The following SEMA3A variants were observed in gnomAD, a reference collection of about 807,000 sequenced individuals.
SEMA3A encodes semaphorin-3A.
SEMA3A carries 29 observed loss-of-function variants against 97.9 expected under a neutral mutation model. The observed-to-expected ratio is 0.30, with a 90% CI of 0.22 to 0.40. SEMA3A has a LOEUF of 0.40. SEMA3A is among the 10% of genes least tolerant of loss of function. The pLI, the probability that SEMA3A is intolerant of heterozygous loss-of-function variation, is 1.00. For missense variants in SEMA3A, 763 were observed against 951.3 expected (o/e 0.80, Z 2.60); for synonymous variants, 321 against 323.7 (o/e 0.99, Z 0.09).
chr7:84,206,611 C>T (rs564360113), intron 3 of SEMA3A, among the ~76,000 whole-genome samples: 3 of 151,670 alleles, frequency 2.0e-5, no homozygotes, highest in South Asian at 2.1e-4. Context: ...CGTGAGCCAC[C>T]GCGTCCGGCC....
At chr7:84,485,955 A>T (rs539600579) in intron 1 of SEMA3A, among the ~76,000 whole-genome samples, 1 of 152,286 alleles carries the variant, frequency 6.6e-6, no homozygotes, top group South Asian at 2.1e-4. Context: ...AATTTTTGAT[A>T]AGTGTTTTCT....
At chr7:84,028,301 C>A (rs1477376190) in intron 6 of SEMA3A, among the ~76,000 whole-genome samples, 2 of 152,010 alleles carry the variant, frequency 1.3e-5, no homozygotes, top group Non-Finnish European at 2.9e-5. Context: ...TTTTAACATT[C>A]AGGAAAGGTG....
chr7:84,062,668 T>C (rs530477196), intron 4 of SEMA3A, among the ~76,000 whole-genome samples: 2 of 152,314 alleles, frequency 1.3e-5, no homozygotes, highest in African/African-American at 4.8e-5. Context: ...AGACGGCACC[T>C]GGAAAATCCG....
At chr7:84,077,089 G>A (rs1793979711) in intron 4 of SEMA3A, among the ~76,000 whole-genome samples, 1 of 152,060 alleles carries the variant, frequency 6.6e-6, no homozygotes, top group South Asian at 2.1e-4. Context: ...CAATGAAAGG[G>A]AAAATTCTAT....
chr7:84,268,173 G>T (rs1435437369), intron 3 of SEMA3A, among the ~76,000 whole-genome samples: 1 of 151,622 alleles, frequency 6.6e-6, no homozygotes, highest in Non-Finnish European at 1.5e-5. Context: ...TTTTCCTTAC[G>T]GCCATGGTGA....
In SEMA3A at chr7:84,292,190, T is replaced by C. The variant is rs576897370; in HGVS notation, c.-83+15017A>G. On this transcript the variant is annotated intron_variant, in intron 3 of 3. Transcript: ENST00000424555. ...TTTTCAAATCTTTACAAAAGAAAAC[T>C]CCTCTTGCCATTCTTAATCACCTTC... Among the ~76,000 whole-genome samples the C allele has an allele frequency of 4.6e-5, 7 of 152,166 alleles. No homozygotes were observed. The South Asian group carries it at 1.2e-3, about 27-fold the overall frequency.
chr7:84,384,514 T>C (rs1803351447), intron 1 of SEMA3A, among the ~76,000 whole-genome samples: 1 of 152,120 alleles, frequency 6.6e-6, no homozygotes, highest in African/African-American at 2.4e-5. Flanking sequence ...ATCTAAAAAA[T>C]GTCAGAGACT....
intron 6 of SEMA3A, 139 bp downstream of exon 6, chr7:84,046,185 C>G (rs1792340452): frequency 1.1e-6 from 1 of 881,600 alleles, no homozygotes; most frequent in Non-Finnish European, 1.7e-6. Context: ...TTTCTCACAC[C>G]CACCATCATG....
intron 12 of SEMA3A, among the ~76,000 whole-genome samples, chr7:83,989,040 G>C (rs537083045): frequency 1.3e-5 from 2 of 152,054 alleles, no homozygotes; most frequent in East Asian, 3.9e-4. Context: ...AATTTTAGAA[G>C]AGTAAGGAAA....
At chr7:83,982,453 A>G (rs1432243976) in intron 13 of SEMA3A, among the ~76,000 whole-genome samples, 1 of 152,292 alleles carries the variant, frequency 6.6e-6, no homozygotes, top group East Asian at 1.9e-4. Context: ...TTAGCTGCAA[A>G]TTTATTTAAA....
intron 1 of SEMA3A, among the ~76,000 whole-genome samples, chr7:84,461,611 C>T (rs1805842040): frequency 6.6e-6 from 1 of 152,054 alleles, no homozygotes; most frequent in Non-Finnish European, 1.5e-5. Flanking sequence ...CTGCCATTCC[C>T]ACCTTCCTTT....
At chr7:84,165,604 G>C (rs1451298200) in intron 1 of SEMA3A, among the ~76,000 whole-genome samples, 1 of 152,098 alleles carries the variant, frequency 6.6e-6, no homozygotes, top group Non-Finnish European at 1.5e-5. Context: ...CCAGGCTGCA[G>C]TGCAGTGTCG....
intron 12 of SEMA3A, among the ~76,000 whole-genome samples, chr7:83,995,219 C>A (rs1221761002): frequency 6.6e-6 from 1 of 152,176 alleles, no homozygotes; most frequent in Non-Finnish European, 1.5e-5. Flanking sequence ...CACTGTCTGG[C>A]ACTCCCTAGT....
chr7:84,461,261 C>T (rs564755018), intron 1 of SEMA3A, among the ~76,000 whole-genome samples: 8 of 152,268 alleles, frequency 5.3e-5, no homozygotes, highest in African/African-American at 1.9e-4. Flanking sequence ...CAGTCATTTA[C>T]ATCCTTAATT....
At chr7:84,020,201 C>T (rs1584554776) in intron 6 of SEMA3A, among the ~76,000 whole-genome samples, 1 of 151,440 alleles carries the variant, frequency 6.6e-6, no homozygotes, top group African/African-American at 2.4e-5. Context: ...GATGCCACCA[C>T]ACCTAGCTGA....
chr7:84,407,532 G>A (rs1030134475), intron 1 of SEMA3A, among the ~76,000 whole-genome samples: 2 of 151,588 alleles, frequency 1.3e-5, no homozygotes, highest in African/African-American at 2.4e-5. Flanking sequence ...TCACAGAATT[G>A]GAAAAAACTA....
intron 1 of SEMA3A, among the ~76,000 whole-genome samples, chr7:84,391,120 T>A (rs1258875750): frequency 6.6e-6 from 1 of 152,146 alleles, no homozygotes; most frequent in African/African-American, 2.4e-5. Flanking sequence ...CATGGAAACA[T>A]CAGCCTTATT....
At chr7:84,415,275 T>C (rs1288798423) in intron 1 of SEMA3A, among the ~76,000 whole-genome samples, 2 of 152,082 alleles carry the variant, frequency 1.3e-5, no homozygotes, top group Non-Finnish European at 2.9e-5. Context: ...TGTTATAAAA[T>C]ACATCAGTCA....
chr7:84,320,130 G>A (rs1035688947), intron 2 of SEMA3A, among the ~76,000 whole-genome samples: 1 of 151,412 alleles, frequency 6.6e-6, no homozygotes, highest in Non-Finnish European at 1.5e-5. Flanking sequence ...TTATGATAAT[G>A]GAAGCACTGA....
Sources: gnomAD v4.1 joint callset for allele counts (sites outside exome capture counted in the v4.1 genomes callset) on GRCh38, gnomAD v4.1.1 for gene constraint, MANE v1.5 for transcripts, NCBI Gene and HGNC (gene_info 2026-07-23, HGNC 2026-07-21) for gene names.